The following DCC variants were observed in gnomAD, a reference collection of about 807,000 sequenced individuals.
DCC encodes the protein netrin receptor DCC.
DCC carries 58 observed loss-of-function variants against 172.5 expected under a neutral mutation model. The ratio of observed to expected loss-of-function variants is 0.34; its 90% CI spans 0.27 to 0.42. The LOEUF is 0.42. Among genes scored for constraint, DCC ranks in the 10% least tolerant of loss-of-function variants. The probability of loss-of-function intolerance (pLI) is 1.00; values close to 1 mark genes in which losing one functional copy is unlikely to be tolerated. For missense variants in DCC, 1,740 were observed against 1,791.0 expected, an observed-to-expected ratio of 0.97 and a Z score of 0.51; for synonymous variants, 709 against 644.5, an observed-to-expected ratio of 1.10 and a Z score of -1.52.
intron 5 of DCC, among the ~76,000 whole-genome samples, chr18:52,964,865 A>AT (rs1257102873): frequency 6.6e-6 from 1 of 152,056 alleles, no homozygotes; most frequent in Non-Finnish European, 1.5e-5. Flanking sequence ...GGGAAAATCC[A>AT]TTTTTTGCTT....
At chr18:52,681,428 CAT>C (rs1233085774) in intron 1 of DCC, among the ~76,000 whole-genome samples, 1 of 152,020 alleles carries the variant, frequency 6.6e-6, no homozygotes, top group Non-Finnish European at 1.5e-5. Flanking sequence ...TAAGAATACT[CAT>C]TAATTTGATT....
chr18:52,983,430 A>G (rs2041241868), intron 5 of DCC, among the ~76,000 whole-genome samples: 1 of 152,202 alleles, frequency 6.6e-6, no homozygotes, highest in Non-Finnish European at 1.5e-5. Flanking sequence ...CTATCTGGGA[A>G]AATGGGCAGT....
At chr18:52,442,742 T>C (rs1448841931) in intron 1 of DCC, among the ~76,000 whole-genome samples, 1 of 152,246 alleles carries the variant, frequency 6.6e-6, no homozygotes, top group African/African-American at 2.4e-5. Flanking sequence ...CAGAACTTAC[T>C]AATTACAAAG....
At chr18:52,661,608 G>A (rs1019102724) in intron 1 of DCC, among the ~76,000 whole-genome samples, 1 of 152,184 alleles carries the variant, frequency 6.6e-6, no homozygotes, top group Non-Finnish European at 1.5e-5. Context: ...GCTGACCTTT[G>A]GGAAGTGCCC....
chr18:53,138,493 G>C (rs543224877), intron 7 of DCC, among the ~76,000 whole-genome samples: 3 of 152,092 alleles, frequency 2.0e-5, no homozygotes, highest in Non-Finnish European at 2.9e-5. Flanking sequence ...CTGAAGAAAA[G>C]GTGTTAATGA....
At chr18:52,385,580 A>T (rs1292863685) in intron 1 of DCC, among the ~76,000 whole-genome samples, 1 of 152,092 alleles carries the variant, frequency 6.6e-6, no homozygotes, top group Non-Finnish European at 1.5e-5. Flanking sequence ...GAACAGTTCC[A>T]CAGTTTAAAA....
At chr18:53,314,789 C>A (rs1480860786) in intron 13 of DCC, among the ~76,000 whole-genome samples, 1 of 152,010 alleles carries the variant, frequency 6.6e-6, no homozygotes, top group Non-Finnish European at 1.5e-5. Flanking sequence ...TGACCTGAGG[C>A]ACTAATCTCT....
chr18:52,979,301 A>T (rs2041169758), intron 5 of DCC, among the ~76,000 whole-genome samples: 1 of 152,064 alleles, frequency 6.6e-6, no homozygotes, highest in Non-Finnish European at 1.5e-5. Context: ...TTCCTGGGAG[A>T]TAGGAGGAAA....
rs546101920 is a variant in DCC, at chr18:52,527,658, C to T, written c.91+186780C>T. ...GATGACCATCTCATCTCTCAGTCTG[C>T]AGAAATTCCTGCACAAACTATCACT... On this transcript the variant is annotated intron_variant, in intron 1 of 28. Coordinates refer to ENST00000442544, the MANE Select transcript of DCC (RefSeq NM_005215.4). Among the ~76,000 whole-genome samples, 48 of 152,256 alleles carry T rather than the reference C, an allele frequency of 3.2e-4. No individual in the cohort carries two copies. In the South Asian group the frequency reaches 9.5e-3, roughly 30 times the overall value.
chr18:53,008,389 T>G (rs2041676793), intron 5 of DCC, among the ~76,000 whole-genome samples: 1 of 152,068 alleles, frequency 6.6e-6, no homozygotes, highest in East Asian at 1.9e-4. Context: ...AACTGAAACT[T>G]TTAAACATTT....
chr18:53,168,977 A>T (rs1352466838), intron 8 of DCC, among the ~76,000 whole-genome samples: 1 of 152,184 alleles, frequency 6.6e-6, no homozygotes, highest in East Asian at 1.9e-4. Flanking sequence ...TGATAGCAAA[A>T]ATTGAGAAGA....
intron 9 of DCC, among the ~76,000 whole-genome samples, chr18:53,188,882 C>T (rs1408325114): frequency 2.0e-5 from 3 of 152,134 alleles, no homozygotes; most frequent in African/African-American, 7.2e-5. Context: ...GCCTTCTCCT[C>T]TCTGTGTCTC....
intron 5 of DCC, among the ~76,000 whole-genome samples, chr18:53,049,099 T>C (rs2042299212): frequency 2.0e-5 from 3 of 152,096 alleles, no homozygotes; most frequent in Admixed American, 1.3e-4. Context: ...TCAGATATTA[T>C]GCCTTTGTCA....
At chr18:52,502,184 T>A in intron 1 of DCC, among the ~76,000 whole-genome samples, 1 of 152,168 alleles carries the variant, frequency 6.6e-6, no homozygotes, top group East Asian at 1.9e-4. Context: ...AATGGATAAC[T>A]TGGTTCTAAG....
At chr18:53,525,309 A>C (rs986853840) in intron 27 of DCC, among the ~76,000 whole-genome samples, 3 of 152,114 alleles carry the variant, frequency 2.0e-5, no homozygotes, top group Non-Finnish European at 2.9e-5. Flanking sequence ...GTAGGCACTC[A>C]GTAAATATTA....
intron 1 of DCC, among the ~76,000 whole-genome samples, chr18:52,734,491 T>A (rs558114635): frequency 6.6e-6 from 1 of 152,266 alleles, no homozygotes; most frequent in South Asian, 2.1e-4. Flanking sequence ...TTTAAAACCT[T>A]GGCTGACTAT....
intron 8 of DCC, among the ~76,000 whole-genome samples, chr18:53,170,427 G>T (rs894790554): frequency 6.6e-6 from 1 of 152,214 alleles, no homozygotes; most frequent in African/African-American, 2.4e-5. Context: ...TATCAATAAA[G>T]ATTTTTTTTG....
chr18:52,353,098 G>A (rs1984198342), intron 1 of DCC, among the ~76,000 whole-genome samples: 1 of 152,256 alleles, frequency 6.6e-6, no homozygotes, highest in East Asian at 1.9e-4. Flanking sequence ...GCATGCTTTG[G>A]CTTCAGGAGT....
chr18:52,383,762 G>C (rs1985683359), intron 1 of DCC, among the ~76,000 whole-genome samples: 1 of 151,760 alleles, frequency 6.6e-6, no homozygotes. Flanking sequence ...TCAATTTGGA[G>C]TTTCTGTTGG....
Sources: allele counts gnomAD v4.1 joint callset (sites outside exome capture counted in the v4.1 genomes callset), GRCh38; gene constraint gnomAD v4.1.1; transcripts MANE v1.5; gene names NCBI Gene and HGNC (gene_info 2026-07-23, HGNC 2026-07-21).